CFAP70: variants seen among roughly 807,000 people sequenced by gnomAD.
The protein encoded by CFAP70 is cilia- and flagella-associated protein 70.
A neutral mutation model predicts 137.6 loss-of-function variants in CFAP70; 81 were observed. The ratio of observed to expected loss-of-function variants is 0.59; its 90% CI spans 0.49 to 0.71. CFAP70 has a LOEUF of 0.71. Ranked by LOEUF, CFAP70 falls within the 30% of genes least tolerant of loss-of-function variation. CFAP70 has a pLI of 0.00. For synonymous variants in CFAP70, 382 were observed against 423.6 expected (o/e 0.90, Z 1.20); for missense variants, 976 against 1,226.7 (o/e 0.80, Z 3.05).
intron 1 of CFAP70, among the ~76,000 whole-genome samples, chr10:73,357,978 C>T (rs2132594681): frequency 6.6e-6 from 1 of 152,370 alleles, no homozygotes; most frequent in Middle Eastern, 3.4e-3. Flanking sequence ...ACCTTTCCTA[C>T]TTAACAACTA....
At chr10:73,271,199 T>C (rs1284003369) in intron 24 of CFAP70, among the ~76,000 whole-genome samples, 1 of 151,976 alleles carries the variant, frequency 6.6e-6, no homozygotes, top group Non-Finnish European at 1.5e-5. Context: ...CTCAAAGGGC[T>C]CACTGACAGA....
rs2046100029 is a variant in CFAP70 at position 73,269,879 on chromosome 10, C to T, written c.2926-164G>A. Among the ~76,000 whole-genome samples, 4 of 152,260 alleles carry T rather than the reference C, an allele frequency of 2.6e-5. No individual in the cohort carries two copies. The South Asian group carries it at 8.3e-4, about 32-fold the overall frequency. The stretch of plus-strand genomic sequence containing the variant: ...CTTATGTGGTGGTTCAATATATGAA[C>T]CAATTAAAAGTAGAAGAGCTCTGAT... On this transcript the variant is annotated intron_variant, in intron 24 of 26. Transcript: ENST00000310715.
chr10:73,258,413 TCTTTA>T (rs902301253), intron 25 of CFAP70, among the ~76,000 whole-genome samples: 2 of 152,258 alleles, frequency 1.3e-5, no homozygotes, highest in African/African-American at 2.4e-5. Flanking sequence ...CCTATGCCTG[TCTTTA>T]CTTTAATCTC....
At chr10:73,253,963 G>C (rs1177007373) in exon 27 of CFAP70, 41 of 1,599,460 alleles carry the variant, frequency 2.6e-5, no homozygotes, top group Non-Finnish European at 3.5e-5. Flanking sequence ...AAATTGTTCA[G>C]CTGGAGGGGT....
chr10:73,352,676 T>G (rs1166576742), intron 3 of CFAP70, among the ~76,000 whole-genome samples: 1 of 152,198 alleles, frequency 6.6e-6, no homozygotes, highest in Non-Finnish European at 1.5e-5. Flanking sequence ...GTAGTTGTAC[T>G]CAGTGGGAGG....
intron 8 of CFAP70, among the ~76,000 whole-genome samples, chr10:73,324,640 A>T (rs2051213756): frequency 6.6e-6 from 1 of 152,222 alleles, no homozygotes; most frequent in African/African-American, 2.4e-5. Flanking sequence ...GAAGTGCTTA[A>T]AGGAGCTGAT....
chr10:73,296,843 T>G, intron 15 of CFAP70, 199 bp downstream of exon 16: 1 of 405,044 alleles, frequency 2.5e-6, no homozygotes, highest in Non-Finnish European at 4.3e-6. Context: ...TGAAAGAGCA[T>G]ATCTCCTTGT....
chr10:73,322,916 T>C (rs774725947), intron 9 of CFAP70, 47 bp downstream of exon 10: 1 of 1,520,854 alleles, frequency 6.6e-7, no homozygotes, highest in South Asian at 1.3e-5. Flanking sequence ...TAAACAGATA[T>C]ATAAAGGATA....
intron 9 of CFAP70, among the ~76,000 whole-genome samples, chr10:73,321,614 T>G (rs2050856841): frequency 6.6e-6 from 1 of 152,048 alleles, no homozygotes; most frequent in African/African-American, 2.4e-5. Flanking sequence ...AGCCTCATTT[T>G]CTCCTAGGAA....
At chr10:73,335,668 C>A (rs1589533976) in intron 6 of CFAP70, 144 bp from the exon 8 acceptor site, 3 of 463,256 alleles carry the variant, frequency 6.5e-6, no homozygotes, top group Admixed American at 7.4e-5. Flanking sequence ...ATTGCAACTA[C>A]TACCACCACC....
intron 9 of CFAP70, among the ~76,000 whole-genome samples, chr10:73,316,080 T>A (rs911743554): frequency 3.3e-5 from 5 of 152,300 alleles, no homozygotes; most frequent in African/African-American, 4.8e-5. Flanking sequence ...GGCCATTCTG[T>A]CTTCAGTAAT....
At chr10:73,355,401 A>G (rs2054590947) in intron 1 of CFAP70, among the ~76,000 whole-genome samples, 1 of 152,192 alleles carries the variant, frequency 6.6e-6, no homozygotes, top group African/African-American at 2.4e-5. Context: ...ACTGTCTCCC[A>G]TCACCCCCAG....
chr10:73,302,128 T>C (rs2048998085), intron 12 of CFAP70, among the ~76,000 whole-genome samples: 1 of 151,926 alleles, frequency 6.6e-6, no homozygotes, highest in African/African-American at 2.4e-5. Context: ...TTAGGAGAGG[T>C]TCAGCTTGAA....
chr10:73,307,928 T>A (rs2049529056), intron 12 of CFAP70, among the ~76,000 whole-genome samples: 3 of 150,062 alleles, frequency 2.0e-5, no homozygotes. Flanking sequence ...GCAGATTGCC[T>A]GAGCTCAGGA....
At chr10:73,354,245 C>A (rs2132553992) in intron 2 of CFAP70, among the ~76,000 whole-genome samples, 2 of 152,300 alleles carry the variant, frequency 1.3e-5, no homozygotes, top group South Asian at 4.1e-4. Flanking sequence ...CATACATGCA[C>A]ACATAGATAC....
intron 8 of CFAP70, among the ~76,000 whole-genome samples, chr10:73,329,353 G>C (rs2051829785): frequency 6.6e-6 from 1 of 152,118 alleles, no homozygotes; most frequent in Non-Finnish European, 1.5e-5. Flanking sequence ...GGTCGGGGGA[G>C]CGGGGAGGGA....
intron 25 of CFAP70, among the ~76,000 whole-genome samples, chr10:73,258,489 C>T (rs1199454180): frequency 3.3e-5 from 5 of 152,168 alleles, no homozygotes; most frequent in East Asian, 3.8e-4. Context: ...GTGATGATTA[C>T]GTTATCTGCA....
intron 14 of CFAP70, among the ~76,000 whole-genome samples, 191 bp downstream of exon 15, chr10:73,298,716 G>A (rs531929489): frequency 2.0e-5 from 3 of 152,210 alleles, no homozygotes; most frequent in African/African-American, 7.2e-5. Context: ...CAGAATATAT[G>A]TAATAATTTA....
rs761731551 is a variant in CFAP70 at position 73,291,486 on chromosome 10, C to T, written c.2021-42G>A. The T allele has an allele frequency of 7.6e-6, 12 of 1,575,960 alleles. No homozygotes were observed. In the East Asian group the frequency reaches 2.7e-4, roughly 35 times the overall value. Reference sequence around the variant, plus strand: ...GTTGAAATACATATGACTATTTTCCCACTATCATATACTAAAGAATTGTAT... The same window carrying T: ...GTTGAAATACATATGACTATTTTCCTACTATCATATACTAAAGAATTGTAT... On this transcript the variant is annotated intron_variant, in intron 18 of 26. Transcript: ENST00000310715.
Sources: allele counts gnomAD v4.1 joint callset (sites outside exome capture counted in the v4.1 genomes callset), GRCh38; gene constraint gnomAD v4.1.1; transcripts MANE v1.5; gene names NCBI Gene and HGNC (gene_info 2026-07-23, HGNC 2026-07-21).